Variants in GALNT13 observed in about 807,000 individuals in gnomAD.
GALNT13 encodes UDP-GalNAc:polypeptide N-acetylgalactosaminyltransferase 13.
A neutral mutation model predicts 64.2 loss-of-function variants in GALNT13; 28 were observed. That is an observed-to-expected ratio of 0.44 (90% CI 0.32 to 0.60). GALNT13 has a LOEUF of 0.60. GALNT13 is among the 20% of genes least tolerant of loss of function. The pLI is 0.05. For missense variants in GALNT13, 577 were observed against 669.8 expected (o/e 0.86, Z 1.53); for synonymous variants, 214 against 224.6 (o/e 0.95, Z 0.42).
chr2:153,080,648 A>G, the GALNT13 span, among the ~76,000 whole-genome samples: 28 of 151,992 alleles, frequency 1.8e-4, no homozygotes, highest in South Asian at 2.1e-4. Context: ...TTGATTTGTT[A>G]TTTAGGTTTT....
the GALNT13 span, among the ~76,000 whole-genome samples, chr2:153,281,045 T>C: frequency 6.6e-6 from 1 of 152,168 alleles, no homozygotes; most frequent in Non-Finnish European, 1.5e-5. Context: ...GGTGCTCTAA[T>C]GTTGGGTGCC....
chr2:153,440,531 T>C, the GALNT13 span, among the ~76,000 whole-genome samples: 2 of 152,182 alleles, frequency 1.3e-5, no homozygotes, highest in South Asian at 4.1e-4. Flanking sequence ...ACCACACTGT[T>C]TTCCACAATG....
the GALNT13 span, among the ~76,000 whole-genome samples, chr2:153,674,097 A>G: frequency 6.6e-6 from 1 of 152,236 alleles, no homozygotes; most frequent in Non-Finnish European, 1.5e-5. Context: ...GGATAGGAAG[A>G]GTCATTATTG....
At chr2:153,301,531 C>G in the GALNT13 span, among the ~76,000 whole-genome samples, 1 of 151,840 alleles carries the variant, frequency 6.6e-6, no homozygotes, top group Non-Finnish European at 1.5e-5. Flanking sequence ...TATTTATTAT[C>G]TTTTTGTGGT....
intron 11 of GALNT13, among the ~76,000 whole-genome samples, chr2:154,417,521 A>ATTTATTTTTTTT (rs1553529811): frequency 7.9e-4 from 110 of 139,120 alleles, no homozygotes; most frequent in African/African-American, 1.6e-3. Context: ...TTATTTATTT[A>ATTTATTTTTTTT]TTTTTTTGAG....
At chr2:154,274,279 A>T (rs1220187946) in intron 8 of GALNT13, among the ~76,000 whole-genome samples, 1 of 152,156 alleles carries the variant, frequency 6.6e-6, no homozygotes, top group Non-Finnish European at 1.5e-5. Flanking sequence ...AAAGGAGGGA[A>T]CGATTGCTGT....
chr2:153,892,398 A>G (rs1462004671), intron 1 of GALNT13, among the ~76,000 whole-genome samples: 1 of 152,030 alleles, frequency 6.6e-6, no homozygotes, highest in African/African-American at 2.4e-5. Flanking sequence ...GATAATCTCT[A>G]CAAGTTTATA....
At chr2:153,303,496 T>G in the GALNT13 span, among the ~76,000 whole-genome samples, 1 of 152,196 alleles carries the variant, frequency 6.6e-6, no homozygotes. Context: ...GCATATTGTC[T>G]GCAAACAGAC....
At chr2:154,413,462 C>T (rs577114679) in intron 11 of GALNT13, among the ~76,000 whole-genome samples, 5 of 152,052 alleles carry the variant, frequency 3.3e-5, no homozygotes, top group African/African-American at 1.2e-4. Flanking sequence ...TTTAACATCT[C>T]ATTAAATATT....
Position 154,450,547 on chromosome 2 carries a change from C to T in GALNT13, c.1667C>T (p.Thr556Ile). ...CTGCTAAGGAACATGACCTTGGGCACATGAAGATCATGTCCTCCAAGCCAT... is the reference window on the plus strand; with the variant it reads ...CTGCTAAGGAACATGACCTTGGGCATATGAAGATCATGTCCTCCAAGCCAT... ...QWLLRNMTLG[T>I] Residue 556 changes from threonine (T) to isoleucine (I), a missense_variant, in exon 13 of 13, where the codon ACA (threonine) becomes ATA (isoleucine). Around this residue, in one of 3 missense-constraint regions of GALNT13, gnomAD observed 232 missense variants for 270.6 expected, o/e 0.86. Coordinates refer to ENST00000392825, the MANE Select transcript of GALNT13 (RefSeq NM_052917.4). The T allele has an allele frequency of 3.1e-6, 5 of 1,597,166 alleles. No individual in the cohort carries two copies. The highest frequency in any genetic ancestry group is 4.3e-6 in the Non-Finnish European group (5 of 1,174,192).
At chr2:153,515,237 A>G in the GALNT13 span, among the ~76,000 whole-genome samples, 7 of 151,960 alleles carry the variant, frequency 4.6e-5, no homozygotes, top group South Asian at 1.0e-3. Flanking sequence ...GGTCATAGAA[A>G]CCATAACCCT....
At chr2:154,362,720 G>A (rs868668290) in intron 9 of GALNT13, among the ~76,000 whole-genome samples, 1 of 152,068 alleles carries the variant, frequency 6.6e-6, no homozygotes, top group South Asian at 2.1e-4. Flanking sequence ...ACTAAGTTTT[G>A]CATAACTGCT....
the GALNT13 span, among the ~76,000 whole-genome samples, chr2:153,463,483 T>C: frequency 4.6e-5 from 7 of 152,048 alleles, no homozygotes; most frequent in Non-Finnish European, 1.5e-5. Flanking sequence ...CTCCCTGCCT[T>C]GCGCCTATAG....
chr2:153,384,157 G>T, the GALNT13 span, among the ~76,000 whole-genome samples: 1 of 151,906 alleles, frequency 6.6e-6, no homozygotes, highest in Non-Finnish European at 1.5e-5. Flanking sequence ...CTGTGAAATA[G>T]GATTTTTTCC....
intron 4 of GALNT13, among the ~76,000 whole-genome samples, chr2:154,166,190 A>T (rs1354083599): frequency 2.0e-5 from 3 of 152,144 alleles, no homozygotes; most frequent in African/African-American, 7.2e-5. Flanking sequence ...GGATCACCTG[A>T]GTTCGGGAGT....
chr2:153,487,534 T>C, the GALNT13 span, among the ~76,000 whole-genome samples: 5 of 152,238 alleles, frequency 3.3e-5, no homozygotes, highest in South Asian at 1.0e-3. Flanking sequence ...ACACAGTCTC[T>C]GCCTTCCAGA....
the GALNT13 span, among the ~76,000 whole-genome samples, chr2:153,614,782 G>T: frequency 2.0e-5 from 3 of 151,684 alleles, no homozygotes; most frequent in Admixed American, 6.6e-5. Flanking sequence ...ATATTTATGG[G>T]GTACATGAGA....
At chr2:154,176,801 T>C (rs1320589805) in intron 4 of GALNT13, among the ~76,000 whole-genome samples, 1 of 152,192 alleles carries the variant, frequency 6.6e-6, no homozygotes, top group African/African-American at 2.4e-5. Context: ...ATATATCTCA[T>C]TTAACATGTC....
the GALNT13 span, among the ~76,000 whole-genome samples, chr2:153,390,782 G>A: frequency 1.3e-5 from 2 of 151,912 alleles, no homozygotes; most frequent in East Asian, 1.9e-4. Context: ...TACGATTCCC[G>A]GCAGTTGTGA....
Sources: gnomAD v4.1 joint callset for allele counts (sites outside exome capture counted in the v4.1 genomes callset) on GRCh38, gnomAD v4.1.1 for gene constraint, gnomAD v4.1.1 regional missense constraint, MANE v1.5 for transcripts, NCBI Gene and HGNC (gene_info 2026-07-23, HGNC 2026-07-21) for gene names.